LZTFL1: variants seen among roughly 807,000 people sequenced by gnomAD.
LZTFL1 encodes leucine zipper transcription factor like 1.
LZTFL1 carries 25 observed loss-of-function variants against 45.9 expected under a neutral mutation model. The ratio of observed to expected loss-of-function variants is 0.54; its 90% CI spans 0.40 to 0.76. LZTFL1 has a LOEUF of 0.76. Among genes scored for constraint, LZTFL1 ranks in the 30% least tolerant of loss-of-function variants. The pLI, the probability that LZTFL1 is intolerant of heterozygous loss-of-function variation, is 0.00. For missense variants in LZTFL1, 277 were observed against 331.1 expected (o/e 0.84, Z 1.27); for synonymous variants, 93 against 117.4 (o/e 0.79, Z 1.35).
chr3:45,883,154 T>A (rs1040318308), intron 2 of LZTFL1, among the ~76,000 whole-genome samples: 1 of 152,180 alleles, frequency 6.6e-6, no homozygotes, highest in Non-Finnish European at 1.5e-5. Context: ...TAACCATCAG[T>A]AGCTGGTGTC....
intron 2 of LZTFL1, among the ~76,000 whole-genome samples, chr3:45,859,254 A>G (rs1701442296): frequency 6.6e-6 from 1 of 152,246 alleles, no homozygotes. Context: ...TACCAGAAGG[A>G]CATCTGACTC....
At chr3:45,885,968 CCTCAGTCT>C (rs1483347934) in intron 2 of LZTFL1, among the ~76,000 whole-genome samples, 9 of 152,202 alleles carry the variant, frequency 5.9e-5, no homozygotes, top group African/African-American at 1.2e-4. Context: ...GATCTGCCCG[CCTCAGTCT>C]CTCAGAGTGC....
intron 3 of LZTFL1, among the ~76,000 whole-genome samples, chr3:45,855,315 A>G (rs994886544): frequency 1.3e-5 from 2 of 152,236 alleles, no homozygotes; most frequent in Admixed American, 6.5e-5. Context: ...CAAAACCCAC[A>G]TGATTATCTC....
intron 3 of LZTFL1, among the ~76,000 whole-genome samples, chr3:45,858,003 G>T (rs904669482): frequency 4.6e-5 from 7 of 152,192 alleles, no homozygotes; most frequent in Non-Finnish European, 7.3e-5. Context: ...TAAAGGAAAT[G>T]CTGGTTTTAA....
At chr3:45,896,379 G>A (rs1215145155) in intron 2 of LZTFL1, among the ~76,000 whole-genome samples, 1 of 152,224 alleles carries the variant, frequency 6.6e-6, no homozygotes, top group Non-Finnish European at 1.5e-5. Flanking sequence ...TAAATGGGAA[G>A]AAGATGGGAC....
At chr3:45,908,650 G>T (rs1026489511) in intron 2 of LZTFL1, among the ~76,000 whole-genome samples, 1 of 152,154 alleles carries the variant, frequency 6.6e-6, no homozygotes, top group Admixed American at 6.5e-5. Context: ...AGGGGAGGAG[G>T]GCGGTGTGTG....
intron 4 of LZTFL1, among the ~76,000 whole-genome samples, chr3:45,850,251 A>G (rs565240493): frequency 4.3e-4 from 66 of 152,352 alleles, no homozygotes; most frequent in African/African-American, 1.5e-3. Context: ...GATGCATACT[A>G]TGATTACTCT....
intron 2 of LZTFL1, chr3:45,895,146 A>C: frequency 1.6e-6 from 1 of 632,294 alleles, no homozygotes; most frequent in Non-Finnish European, 2.8e-6. Context: ...GCAAAGAGGC[A>C]GCTATGCTTT....
In LZTFL1 at chr3:45,870,750, A is replaced by G. The variant is rs144680243; in HGVS notation, c.-214-11734T>C. Reference sequence around the variant, plus strand: ...TTATTCTTGAAAACACTCTCATAGTAAAGCACTCGTTGATTACAGACAAAC... The same window carrying G: ...TTATTCTTGAAAACACTCTCATAGTGAAGCACTCGTTGATTACAGACAAAC... On this transcript the variant is annotated intron_variant, in intron 2 of 4. Coordinates refer to the LZTFL1 transcript ENST00000472635. 5.5e-3 allele frequency among the ~76,000 whole-genome samples: 832 copies of G among 152,360 alleles called. 6 individuals are homozygous for G. Among genetic ancestry groups the G allele is most frequent in the Non-Finnish European group, 6.2e-3 (425 of 68,030 alleles).
At chr3:45,899,449 C>T (rs1702474257) in intron 2 of LZTFL1, among the ~76,000 whole-genome samples, 1 of 152,154 alleles carries the variant, frequency 6.6e-6, no homozygotes, top group African/African-American at 2.4e-5. Context: ...CATCTTTGTA[C>T]TTATATATTT....
At chr3:45,907,475 C>G (rs1702705432) in intron 2 of LZTFL1, among the ~76,000 whole-genome samples, 1 of 152,226 alleles carries the variant, frequency 6.6e-6, no homozygotes, top group Non-Finnish European at 1.5e-5. Flanking sequence ...TCTGCAGACT[C>G]TCCACTTTCT....
chr3:45,832,157 C>G (rs1231304399), intron 5 of LZTFL1, among the ~76,000 whole-genome samples: 10 of 152,016 alleles, frequency 6.6e-5, no homozygotes, highest in Non-Finnish European at 1.3e-4. Context: ...GGAGGTGGAG[C>G]TTGGAGTGAG....
chr3:45,860,316 A>G (rs141862212), intron 2 of LZTFL1, among the ~76,000 whole-genome samples: 1 of 152,128 alleles, frequency 6.6e-6, no homozygotes, highest in East Asian at 1.9e-4. Flanking sequence ...CCATGAGTCT[A>G]TATAGGGATG....
At chr3:45,892,666 C>T (rs910330528) in intron 2 of LZTFL1, among the ~76,000 whole-genome samples, 13 of 152,170 alleles carry the variant, frequency 8.5e-5, no homozygotes, top group South Asian at 2.1e-4. Flanking sequence ...GCCCCCATGA[C>T]GCGCAATTTA....
intron 2 of LZTFL1, among the ~76,000 whole-genome samples, chr3:45,860,161 GA>G (rs1575274123): frequency 1.3e-5 from 2 of 152,074 alleles, no homozygotes; most frequent in African/African-American, 4.8e-5. Flanking sequence ...GCAGTGAGCC[GA>G]GATTGCGCCA....
intron 2 of LZTFL1, among the ~76,000 whole-genome samples, chr3:45,880,362 C>T (rs1457130120): frequency 4.6e-5 from 7 of 152,074 alleles, no homozygotes; most frequent in Middle Eastern, 3.4e-3. Flanking sequence ...ATTAGCTGGG[C>T]GTGGTGATGG....
chr3:45,844,693 C>T (rs1701190383), upstream of LZTFL1, among the ~76,000 whole-genome samples: 1 of 152,124 alleles, frequency 6.6e-6, no homozygotes. Flanking sequence ...TAGCCAAGAC[C>T]TTATAGAAGA....
chr3:45,894,127 C>T (rs1702274689), intron 2 of LZTFL1, among the ~76,000 whole-genome samples: 1 of 152,164 alleles, frequency 6.6e-6, no homozygotes, highest in South Asian at 2.1e-4. Context: ...GCTGTTGTTT[C>T]TTTGGTTATG....
chr3:45,910,697 C>A (rs1291053672), intron 2 of LZTFL1, among the ~76,000 whole-genome samples: 1 of 152,196 alleles, frequency 6.6e-6, no homozygotes, highest in Admixed American at 6.5e-5. Context: ...GTAAATGGAT[C>A]TCTTTTGGGT....
Sources: allele counts gnomAD v4.1 joint callset (sites outside exome capture counted in the v4.1 genomes callset), GRCh38; gene constraint gnomAD v4.1.1; transcripts MANE v1.5; gene names NCBI Gene and HGNC (gene_info 2026-07-23, HGNC 2026-07-21).